The following LGR6 variants were observed in gnomAD, a reference collection of about 807,000 sequenced individuals.
LGR6 encodes leucine rich repeat containing G protein-coupled receptor 6.
In LGR6, 45 loss-of-function variants were observed where a neutral mutation model predicts 69.4. That is an observed-to-expected ratio of 0.65 (90% CI 0.51 to 0.83). The LOEUF (loss-of-function observed/expected upper bound fraction) is 0.83. LGR6 is among the 40% of genes least tolerant of loss of function. LGR6 has a pLI of 0.00. For missense variants in LGR6, 1,108 were observed against 1,246.7 expected (o/e 0.89, Z 1.68); for synonymous variants, 538 against 555.0 (o/e 0.97, Z 0.43).
intron 1 of LGR6, among the ~76,000 whole-genome samples, chr1:202,214,593 T>A (rs922313707): frequency 3.3e-5 from 5 of 152,180 alleles, no homozygotes; most frequent in Admixed American, 1.3e-4. Context: ...AATTCTTAAC[T>A]TTGTGGCACA....
intron 6 of LGR6, among the ~76,000 whole-genome samples, chr1:202,286,069 T>C (rs1666372501): frequency 6.6e-6 from 1 of 152,226 alleles, no homozygotes; most frequent in African/African-American, 2.4e-5. Flanking sequence ...ACATTTGCCA[T>C]TGGATTTGGG....
At chr1:202,194,713 G>GGC in intron 1 of LGR6, 1 of 236,192 alleles carries the variant, frequency 4.2e-6, no homozygotes, top group South Asian at 3.3e-5. Flanking sequence ...GGCGGGGGGG[G>GGC]CGGGTTTCCT....
rs781333849 is a variant in LGR6 at position 202,318,056 on chromosome 1, A to G, written c.1753A>G (p.Thr585Ala). The G allele has an allele frequency of 6.2e-7, 1 of 1,614,110 alleles. No homozygotes were observed. The highest frequency in any genetic ancestry group is 8.5e-7 in the Non-Finnish European group (1 of 1,180,014). The change falls in exon 18 of 18, where the codon ACC (threonine) becomes GCC (alanine). Residue 585 changes from threonine (T) to alanine (A), a missense_variant. Coordinates refer to ENST00000367278, the MANE Select transcript of LGR6 (RefSeq NM_001017403.2). ...SVLCNGLVLL[T>A]VFAGGPVPLP... ...GCTCTGCAATGGACTGGTGCTGCTG[A>G]CCGTGTTCGCTGGCGGGCCTGTCCC...
At chr1:202,265,144 T>C (rs1030404967) in intron 4 of LGR6, among the ~76,000 whole-genome samples, 3 of 151,770 alleles carry the variant, frequency 2.0e-5, no homozygotes, top group Non-Finnish European at 4.4e-5. Context: ...TGTAAGTGGG[T>C]ATGGAAAGGT....
intron 6 of LGR6, among the ~76,000 whole-genome samples, chr1:202,293,370 A>G (rs1666930302): frequency 6.6e-6 from 1 of 152,218 alleles, no homozygotes. Flanking sequence ...TCACATTTCC[A>G]TGAAGCCCTC....
At chr1:202,253,829 G>A (rs1339501585) in intron 4 of LGR6, among the ~76,000 whole-genome samples, 7 of 95,018 alleles carry the variant, frequency 7.4e-5, no homozygotes, top group East Asian at 6.2e-4. Context: ...TTTTTGAGAC[G>A]GAGTCTCGCT....
intron 1 of LGR6, among the ~76,000 whole-genome samples, chr1:202,202,970 C>T (rs563452407): frequency 1.9e-4 from 29 of 152,176 alleles, no homozygotes; most frequent in Non-Finnish European, 2.4e-4. Flanking sequence ...GATGTGGTCC[C>T]CAGGCCCAAA....
At chr1:202,310,993 G>A (rs1003090738) in intron 16 of LGR6, among the ~76,000 whole-genome samples, 2 of 151,958 alleles carry the variant, frequency 1.3e-5, no homozygotes, top group African/African-American at 4.8e-5. Flanking sequence ...AAGAGTTAGG[G>A]TAAAAGGCAC....
intron 1 of LGR6, among the ~76,000 whole-genome samples, chr1:202,197,707 T>C (rs1466201710): frequency 6.6e-6 from 1 of 152,194 alleles, no homozygotes; most frequent in Non-Finnish European, 1.5e-5. Context: ...AACCCAATTG[T>C]CACACTTCTT....
chr1:202,220,908 G>A (rs1223476056), intron 1 of LGR6, among the ~76,000 whole-genome samples: 1 of 152,140 alleles, frequency 6.6e-6, no homozygotes, highest in Non-Finnish European at 1.5e-5. Context: ...CACACTATGT[G>A]AGGTGATGAC....
intron 1 of LGR6, among the ~76,000 whole-genome samples, chr1:202,213,035 C>G (rs1449026444): frequency 5.3e-5 from 8 of 152,200 alleles, no homozygotes; most frequent in Non-Finnish European, 4.4e-5. Flanking sequence ...GGGTCTGAAT[C>G]TCTCCTCAGA....
intron 4 of LGR6, among the ~76,000 whole-genome samples, chr1:202,264,316 A>G (rs562736591): frequency 6.6e-6 from 1 of 152,328 alleles, no homozygotes; most frequent in East Asian, 1.9e-4. Context: ...TATTACTACA[A>G]AGTCTGCTAG....
At chr1:202,243,402 G>A (rs1662374749) in intron 4 of LGR6, among the ~76,000 whole-genome samples, 1 of 152,162 alleles carries the variant, frequency 6.6e-6, no homozygotes, top group Non-Finnish European at 1.5e-5. Context: ...CCTTGGCCTT[G>A]ATCAGCACCC....
At position 202,318,583 on chromosome 1, in the gene LGR6, G is replaced by A. The variant is rs142292766; in HGVS notation, c.2280G>A (p.Arg760=). ...TCAAACTGTACTGTGACCTGCCGCG[G>A]GGCGACTTTGAGGCCGTGTGGGACT... is the stretch of plus-strand genomic sequence containing the variant. ...AYIKLYCDLP[R]GDFEAVWDCA... is the part of the protein sequence containing the mutation. Residue 760 remains arginine, a synonymous_variant, in exon 18 of 18, where the codon CGG becomes CGA. Transcript: ENST00000367278. 1.3e-4 allele frequency: 211 copies of A among 1,614,046 alleles called. No homozygotes were observed. The highest frequency in any genetic ancestry group is 8.3e-4 in the Middle Eastern group (5 of 6,060).
chr1:202,235,558 C>T (rs1661472572), intron 3 of LGR6, among the ~76,000 whole-genome samples: 1 of 152,204 alleles, frequency 6.6e-6, no homozygotes, highest in South Asian at 2.1e-4. Context: ...TGACAACCTA[C>T]ATTTTCCCAC....
intron 3 of LGR6, among the ~76,000 whole-genome samples, chr1:202,231,702 A>C (rs1266435748): frequency 6.6e-6 from 1 of 152,208 alleles, no homozygotes; most frequent in Non-Finnish European, 1.5e-5. Flanking sequence ...CGGTGTTCAC[A>C]CTCATACGTG....
intron 14 of LGR6, 120 bp downstream of exon 14, chr1:202,307,521 T>G: frequency 1.3e-6 from 1 of 761,592 alleles, no homozygotes; most frequent in Admixed American, 2.2e-5. Context: ...GAGATGGGCC[T>G]CAGCCTAATC....
At chr1:202,225,316 G>C in intron 1 of LGR6, 107 bp from the exon 2 acceptor site, 2 of 935,598 alleles carry the variant, frequency 2.1e-6, no homozygotes, top group Non-Finnish European at 3.5e-6. Flanking sequence ...CTGGTGGGGG[G>C]TACTGTGGGA....
chr1:202,223,416 C>T (rs1175708288), intron 1 of LGR6, among the ~76,000 whole-genome samples: 3 of 152,126 alleles, frequency 2.0e-5, no homozygotes, highest in Admixed American at 6.5e-5. Context: ...CCCAAGCACA[C>T]GCTCTCCAGG....
Sources: allele counts gnomAD v4.1 joint callset (sites outside exome capture counted in the v4.1 genomes callset), GRCh38; gene constraint gnomAD v4.1.1; transcripts MANE v1.5; gene names NCBI Gene and HGNC (gene_info 2026-07-23, HGNC 2026-07-21).